Variants in RELN observed in about 807,000 individuals in gnomAD.
RELN encodes reelin.
Under a neutral mutation model 427.6 loss-of-function variants are expected in RELN, and 108 were observed. The observed-to-expected ratio is 0.25, with a 90% CI of 0.22 to 0.30. The LOEUF is 0.30. RELN is among the 10% of genes least tolerant of loss of function. RELN has a pLI of 1.00. For synonymous variants in RELN, 1,524 were observed against 1,513.4 expected, an observed-to-expected ratio of 1.01 and a Z score of -0.16; for missense variants, 3,715 against 4,302.8, an observed-to-expected ratio of 0.86 and a Z score of 3.82.
intron 11 of RELN, among the ~76,000 whole-genome samples, chr7:103,671,501 T>C (rs572862225): frequency 1.3e-5 from 2 of 152,248 alleles, no homozygotes; most frequent in South Asian, 4.1e-4. Flanking sequence ...AAATGATGTA[T>C]TGCCTGGGAC....
At chr7:103,886,922 C>T (rs3914132) in intron 2 of RELN, among the ~76,000 whole-genome samples, 119,128 of 152,108 alleles carry the variant, frequency 0.78, 46,689 homozygotes, top group East Asian at 0.87. Context: ...GAGGAACAGA[C>T]AAATACATGT....
Position 103,553,756 on chromosome 7 carries a change from A to G in RELN, c.5873T>C (p.Leu1958Ser), listed in dbSNP as rs1462054147. Residue 1958 changes from leucine (L) to serine (S), a missense_variant, in exon 39 of 65, where the codon TTG becomes TCG. Coordinates refer to ENST00000428762, the MANE Select transcript of RELN (RefSeq NM_005045.4). ...TCTGGGCCCAAAATCAAATGTATCC[A>G]AGAGCATCACAGGGTTGTTTACATT... ...GNNVNNPVMLLDTFDFGPRED... is the reference protein window; with the variant it reads ...GNNVNNPVMLSDTFDFGPRED... The G allele has an allele frequency of 1.2e-6, 2 of 1,613,926 alleles. No individual in the cohort carries two copies. The highest frequency in any genetic ancestry group is 1.7e-6 in the Non-Finnish European group (2 of 1,179,890).
At chr7:103,885,430 C>T (rs893358234) in intron 2 of RELN, among the ~76,000 whole-genome samples, 13 of 152,078 alleles carry the variant, frequency 8.5e-5, no homozygotes, top group Non-Finnish European at 1.6e-4. Flanking sequence ...AGTTCATGTC[C>T]TTTGCAGGGA....
intron 1 of RELN, among the ~76,000 whole-genome samples, chr7:103,924,549 C>G (rs10215035): frequency 0.55 from 83,162 of 151,842 alleles, 23,841 homozygotes; most frequent in East Asian, 0.74. Flanking sequence ...AGGTGCAGGA[C>G]ACCCATCATA....
intron 1 of RELN, among the ~76,000 whole-genome samples, chr7:103,975,518 TTTATTTATTTATTTATTTA>T (rs1796853290): frequency 7.0e-6 from 1 of 143,212 alleles, no homozygotes; most frequent in South Asian, 2.2e-4. Context: ...TGGAGCAGTA[TTTATTTATTTATTTATTTA>T]TTTATTTATT....
intron 4 of RELN, 102 bp from the exon 5 acceptor site, chr7:103,753,316 G>A: frequency 8.2e-7 from 1 of 1,214,750 alleles, no homozygotes; most frequent in Non-Finnish European, 1.2e-6. Context: ...GTCACATTAA[G>A]CAAATCAAAT....
At chr7:103,723,547 A>G (rs896185590) in intron 7 of RELN, among the ~76,000 whole-genome samples, 7 of 152,220 alleles carry the variant, frequency 4.6e-5, no homozygotes, top group African/African-American at 1.7e-4. Context: ...CTACCAGATC[A>G]ATAGATCGGG....
chr7:103,583,787 G>C (rs1319460632), intron 28 of RELN, among the ~76,000 whole-genome samples: 1 of 152,184 alleles, frequency 6.6e-6, no homozygotes, highest in Non-Finnish European at 1.5e-5. Context: ...TGGGGAAAGA[G>C]CGTCAGCAGT....
chr7:103,836,118 A>G (rs1793400626), intron 2 of RELN, among the ~76,000 whole-genome samples: 1 of 152,050 alleles, frequency 6.6e-6, no homozygotes, highest in Non-Finnish European at 1.5e-5. Context: ...GCCTGCCACC[A>G]CAGCCAGCTA....
intron 14 of RELN, 34 bp from the exon 15 acceptor site, chr7:103,651,823 G>A: frequency 8.7e-6 from 14 of 1,606,844 alleles, no homozygotes; most frequent in Non-Finnish European, 1.2e-5. Context: ...CACAAAAGGT[G>A]GGGAGGGTAA....
chr7:103,669,795 T>C (rs758546686), intron 11 of RELN, among the ~76,000 whole-genome samples: 33 of 152,092 alleles, frequency 2.2e-4, no homozygotes, highest in Admixed American at 1.7e-3. Flanking sequence ...AATGTCTGCC[T>C]GAGGGAGAGA....
At chr7:103,918,963 A>T (rs987329488) in intron 1 of RELN, among the ~76,000 whole-genome samples, 2 of 152,098 alleles carry the variant, frequency 1.3e-5, no homozygotes, top group African/African-American at 4.8e-5. Context: ...AGAAAAAAAT[A>T]CTTGTTTGAA....
chr7:103,887,896 C>G (rs1001063201), intron 2 of RELN, among the ~76,000 whole-genome samples: 1 of 152,068 alleles, frequency 6.6e-6, no homozygotes, highest in Non-Finnish European at 1.5e-5. Context: ...ATGCTCATCT[C>G]TCATTACATA....
At chr7:103,737,759 C>A (rs1018595017) in intron 6 of RELN, among the ~76,000 whole-genome samples, 2 of 152,154 alleles carry the variant, frequency 1.3e-5, no homozygotes, top group African/African-American at 4.8e-5. Context: ...ATCGCTATTT[C>A]CCCGGTCCTG....
At chr7:103,947,152 CAA>C (rs955442882) in intron 1 of RELN, among the ~76,000 whole-genome samples, 11 of 152,144 alleles carry the variant, frequency 7.2e-5, no homozygotes, top group Non-Finnish European at 2.9e-5. Context: ...TCTCATCATT[CAA>C]AAGTCTCAAG....
chr7:103,755,335 G>T (rs1000692369), intron 4 of RELN, among the ~76,000 whole-genome samples: 1 of 151,764 alleles, frequency 6.6e-6, no homozygotes, highest in East Asian at 1.9e-4. Flanking sequence ...ATGGCCAGGC[G>T]CAGTGGCTCA....
At chr7:103,902,708 A>G (rs1181512053) in intron 2 of RELN, among the ~76,000 whole-genome samples, 1 of 152,114 alleles carries the variant, frequency 6.6e-6, no homozygotes, top group Non-Finnish European at 1.5e-5. Flanking sequence ...CATGTCTATT[A>G]TGCTAAATGC....
intron 22 of RELN, 69 bp downstream of exon 22, chr7:103,610,626 G>A (rs1482596115): frequency 2.4e-6 from 2 of 822,260 alleles, no homozygotes; most frequent in Non-Finnish European, 4.3e-6. Context: ...TGAATCAATA[G>A]AGACAGAATT....
intron 38 of RELN, among the ~76,000 whole-genome samples, chr7:103,554,657 G>T (rs894137456): frequency 1.3e-5 from 2 of 151,500 alleles, no homozygotes; most frequent in African/African-American, 4.9e-5. Context: ...ATTTCAGAAA[G>T]CTGTGACAAT....
Sources: allele counts gnomAD v4.1 joint callset (sites outside exome capture counted in the v4.1 genomes callset), GRCh38; gene constraint gnomAD v4.1.1; transcripts MANE v1.5; gene names NCBI Gene and HGNC (gene_info 2026-07-23, HGNC 2026-07-21).